Variants in CNOT6 observed in about 807,000 individuals in gnomAD.
CNOT6 encodes carbon catabolite repression 4 protein.
A neutral mutation model predicts 61.2 loss-of-function variants in CNOT6; 12 were observed. The ratio of observed to expected loss-of-function variants is 0.20; its 90% confidence interval spans 0.13 to 0.32. The LOEUF (loss-of-function observed/expected upper bound fraction) is 0.32, where lower values mean the gene tolerates loss of function less well. Ranked by LOEUF, CNOT6 falls within the 10% of genes least tolerant of loss-of-function variation. CNOT6 has a pLI of 1.00. For missense variants in CNOT6, 405 were observed against 663.9 expected (o/e 0.61, Z 4.28); for synonymous variants, 225 against 240.6 (o/e 0.94, Z 0.60).
At chr5:180,497,220 A>G (rs2127686106) in intron 1 of CNOT6, among the ~76,000 whole-genome samples, 1 of 151,612 alleles carries the variant, frequency 6.6e-6, no homozygotes, top group South Asian at 2.1e-4. Context: ...CCAGCTATTC[A>G]GTAGGCTGAG....
intron 4 of CNOT6, among the ~76,000 whole-genome samples, chr5:180,558,522 C>A (rs11249727): frequency 0.44 from 64,209 of 146,260 alleles, 15,612 homozygotes; most frequent in Non-Finnish European, 0.56. Context: ...AAAAAAAAAA[C>A]AAAAAACCTG....
intron 2 of CNOT6, among the ~76,000 whole-genome samples, chr5:180,545,107 C>T (rs1423454338): frequency 6.9e-6 from 1 of 145,778 alleles, no homozygotes; most frequent in African/African-American, 2.4e-5. Flanking sequence ...CTGTTTATAG[C>T]AAAGTAAGGG....
At chr5:180,548,225 C>A (rs771509353) in intron 2 of CNOT6, among the ~76,000 whole-genome samples, 26 of 152,190 alleles carry the variant, frequency 1.7e-4, no homozygotes, top group Admixed American at 9.2e-4. Flanking sequence ...ACATTTTCAT[C>A]ATCCCAAAAA....
chr5:180,503,067 GA>G (rs1394304347), intron 1 of CNOT6, among the ~76,000 whole-genome samples: 1 of 151,848 alleles, frequency 6.6e-6, no homozygotes, highest in Admixed American at 6.6e-5. Context: ...AGCCACTGAA[GA>G]AAAAAAATGA....
intron 1 of CNOT6, among the ~76,000 whole-genome samples, chr5:180,500,212 C>T (rs1309436035): frequency 1.3e-5 from 2 of 151,744 alleles, no homozygotes. Flanking sequence ...CAGCCTTGAC[C>T]TCCCAGGTTC....
chr5:180,534,388 G>T, intron 2 of CNOT6: 2 of 172,896 alleles, frequency 1.2e-5, no homozygotes, highest in East Asian at 2.9e-4. Context: ...ACTGCTAAGA[G>T]GGTTTGGAAG....
Position 180,566,172 on chromosome 5 carries a change from C to A in CNOT6, c.717+195C>A, listed in dbSNP as rs116012004. ...TTGCAAAATAGGCAAATGTGTTAAGCTGGGATTTATGCGTTTGCCATGACC... is the reference window on the plus strand; with the variant it reads ...TTGCAAAATAGGCAAATGTGTTAAGATGGGATTTATGCGTTTGCCATGACC... On this transcript the variant is annotated intron_variant, in intron 7 of 11. Coordinates refer to ENST00000261951, the MANE Select transcript of CNOT6 (RefSeq NM_001370472.1). Among the ~76,000 whole-genome samples, 1,080 of 152,290 alleles carry A rather than the reference C, an allele frequency of 7.1e-3. 15 individuals are homozygous for A. Among genetic ancestry groups the A allele is most frequent in the African/African-American group, 0.025 (1,026 of 41,550 alleles).
intron 1 of CNOT6, among the ~76,000 whole-genome samples, chr5:180,496,731 T>C (rs933401836): frequency 6.6e-6 from 1 of 152,230 alleles, no homozygotes; most frequent in African/African-American, 2.4e-5. Context: ...TTGATCACTT[T>C]ATAAAAACGG....
At position 180,567,990 on chromosome 5, in the gene CNOT6, G is replaced by T. The variant is rs1475559179; in HGVS notation, c.1014G>T (p.Ser338=). ...VAVLLELRKE[S]IEMPSGKPHL... is the part of the protein sequence containing the mutation. ...TACTGCTAGAACTTCGGAAGGAATC[G>T]ATTGAAATGCCGTGTGAGTGCCCTT... The change falls in exon 9 of 12, where the codon TCG becomes TCT. Residue 338 remains serine (S), a synonymous_variant. Coordinates refer to ENST00000261951, the MANE Select transcript of CNOT6 (RefSeq NM_001370472.1). The T allele has an allele frequency of 6.2e-7, 1 of 1,607,090 alleles. No homozygotes were observed. Among genetic ancestry groups the T allele is most frequent in the Non-Finnish European group, 8.5e-7 (1 of 1,174,576 alleles).
At chr5:180,512,721 C>T (rs1271788141) in intron 1 of CNOT6, among the ~76,000 whole-genome samples, 6 of 151,858 alleles carry the variant, frequency 4.0e-5, no homozygotes, top group East Asian at 1.9e-4. Flanking sequence ...CTCAGCCTCC[C>T]GAGTAGCTGG....
Position 180,496,554 on chromosome 5 carries a change from A to G in CNOT6, c.-3+1791A>G, listed in dbSNP as rs546512528. 2.4e-4 allele frequency among the ~76,000 whole-genome samples: 37 copies of G among 152,268 alleles called. 1 individual carries two copies. Among genetic ancestry groups the G allele is most frequent in the South Asian group, 1.2e-3 (6 of 4,822 alleles). ...CGAAATGATCAAAAAAGATGATGCAATTGCCAGGCATGGTGGCTCACCGTG... is the reference window on the plus strand; with the variant it reads ...CGAAATGATCAAAAAAGATGATGCAGTTGCCAGGCATGGTGGCTCACCGTG... On this transcript the variant is annotated intron_variant, in intron 1 of 11. Coordinates refer to ENST00000261951, the MANE Select transcript of CNOT6 (RefSeq NM_001370472.1).
In CNOT6 at chr5:180,574,278, A is replaced by G; in HGVS notation, c.*78A>G. 8.3e-7 allele frequency: 1 copy of G among 1,199,772 alleles called. No homozygotes were observed. The highest frequency in any genetic ancestry group is 1.2e-6 in the Non-Finnish European group (1 of 810,886). 74.3% of individuals were successfully genotyped at this position (1,199,772 alleles called of 1,614,324 possible). ...GAACATAGGGGAGTGAGGTATGGCC[A>G]CTGAGGATTTTTGCTTGCTTAAGAA... On this transcript the variant is annotated 3_prime_UTR_variant, in exon 12 of 12. Transcript: ENST00000261951.
rs532397227 is a variant in CNOT6 at position 180,553,382 on chromosome 5, A to G, written c.300-4A>G. 2 of 1,610,810 alleles carry G rather than the reference A, an allele frequency of 1.2e-6. No individual in the cohort carries two copies. The highest frequency in any genetic ancestry group is 1.3e-5 in the African/African-American group (1 of 74,980). Reference sequence around the variant, plus strand: ...CTGACTTCCTGGAATTTTTACATCAACAGGGAGCTCCATTTAAATAACAAC... The same window carrying G: ...CTGACTTCCTGGAATTTTTACATCAGCAGGGAGCTCCATTTAAATAACAAC... On this transcript the variant is annotated splice_polypyrimidine_tract_variant and splice_region_variant and intron_variant, in intron 3 of 11. Coordinates refer to ENST00000261951, the MANE Select transcript of CNOT6 (RefSeq NM_001370472.1).
chr5:180,573,586 TGTGTGTGTGTGTGTGTCC>T (rs1485012235), intron 11 of CNOT6, among the ~76,000 whole-genome samples: 525 of 32,418 alleles, frequency 0.016, 4 homozygotes, highest in South Asian at 0.03. Flanking sequence ...TGTGTGTGTG[TGTGTGTGTGTGTGTGTCC>T]GTCCGTCCGT....
intron 1 of CNOT6, among the ~76,000 whole-genome samples, chr5:180,498,778 G>A (rs2127687748): frequency 6.6e-6 from 1 of 152,274 alleles, no homozygotes; most frequent in East Asian, 1.9e-4. Flanking sequence ...ATTTGAGATA[G>A]TATGGAGTTA....
intron 2 of CNOT6, among the ~76,000 whole-genome samples, chr5:180,540,126 C>A (rs568652002): frequency 3.9e-5 from 6 of 151,932 alleles, no homozygotes; most frequent in African/African-American, 9.7e-5. Flanking sequence ...CAGTGTGGGG[C>A]CTTGACTGGT....
intron 1 of CNOT6, among the ~76,000 whole-genome samples, chr5:180,520,444 C>T (rs749952988): frequency 7.2e-5 from 11 of 152,016 alleles, no homozygotes; most frequent in Non-Finnish European, 1.3e-4. Context: ...GAGATCAAGA[C>T]CATCCTGGCC....
chr5:180,526,493 T>C (rs558097786), intron 1 of CNOT6, among the ~76,000 whole-genome samples: 2 of 152,292 alleles, frequency 1.3e-5, no homozygotes, highest in South Asian at 4.1e-4. Flanking sequence ...TCTGTTTCAC[T>C]GCGAAAGTCA....
chr5:180,540,810 G>A (rs1284058936), intron 2 of CNOT6, among the ~76,000 whole-genome samples: 1 of 152,086 alleles, frequency 6.6e-6, no homozygotes, highest in African/African-American at 2.4e-5. Context: ...TCTCCATATG[G>A]TGTAAGTCTC....
Sources: allele counts gnomAD v4.1 joint callset (sites outside exome capture counted in the v4.1 genomes callset), GRCh38; gene constraint gnomAD v4.1.1; transcripts MANE v1.5; gene names NCBI Gene and HGNC (gene_info 2026-07-23, HGNC 2026-07-21).